Variants in CACNG2 observed in about 807,000 individuals in gnomAD.
The protein encoded by CACNG2 is calcium voltage-gated channel auxiliary subunit gamma 2, also known as voltage-dependent calcium channel gamma-2 subunit.
In CACNG2, 3 loss-of-function variants were observed where a neutral mutation model predicts 25.9. The ratio of observed to expected loss-of-function variants is 0.12; its 90% CI spans 0.05 to 0.30. CACNG2 has a LOEUF of 0.30. Among genes scored for constraint, CACNG2 ranks in the 10% least tolerant of loss-of-function variants. CACNG2 has a pLI of 1.00. For missense variants in CACNG2, 341 were observed against 432.5 expected (o/e 0.79, Z 1.88); for synonymous variants, 167 against 173.3 (o/e 0.96, Z 0.29).
At chr22:36,593,720 T>C (rs1480630233) in intron 1 of CACNG2, among the ~76,000 whole-genome samples, 1 of 151,708 alleles carries the variant, frequency 6.6e-6, no homozygotes, top group Non-Finnish European at 1.5e-5. Context: ...GGAGGAGTGA[T>C]GGGGTAAACT....
intron 2 of CACNG2, among the ~76,000 whole-genome samples, chr22:36,579,404 CAAAAAAAAAAAAAA>C (rs34224180): frequency 1.1e-4 from 5 of 47,172 alleles, no homozygotes; most frequent in Admixed American, 9.1e-4. Flanking sequence ...AACTCTGTCT[CAAAAAAAAAAAAAA>C]AAAAAAAAAA....
chr22:36,660,190 G>C (rs983441878), intron 1 of CACNG2, among the ~76,000 whole-genome samples: 1 of 152,262 alleles, frequency 6.6e-6, no homozygotes, highest in African/African-American at 2.4e-5. Flanking sequence ...GGATGCCTGA[G>C]TCATCTCCCG....
At chr22:36,600,940 A>T (rs986085130) in intron 1 of CACNG2, among the ~76,000 whole-genome samples, 2 of 152,210 alleles carry the variant, frequency 1.3e-5, no homozygotes, top group Non-Finnish European at 2.9e-5. Flanking sequence ...TGGTTGCTAT[A>T]GTGGAAAAAC....
chr22:36,600,735 T>A (rs1438144867), intron 1 of CACNG2, among the ~76,000 whole-genome samples: 1 of 152,040 alleles, frequency 6.6e-6, no homozygotes, highest in African/African-American at 2.4e-5. Context: ...TTGGTAGAGA[T>A]GGAGTTTTAC....
intron 1 of CACNG2, among the ~76,000 whole-genome samples, chr22:36,613,156 C>CTCTCTGTGTG (rs140413982): frequency 5.5e-5 from 8 of 146,228 alleles, no homozygotes; most frequent in East Asian, 4.1e-4. Flanking sequence ...TACAGGCTCT[C>CTCTCTGTGTG]TGTGTGTGTG....
chr22:36,623,375 T>C (rs1016859602), intron 1 of CACNG2, among the ~76,000 whole-genome samples: 4 of 152,086 alleles, frequency 2.6e-5, no homozygotes, highest in African/African-American at 9.7e-5. Context: ...GGAAGTGTGA[T>C]GAGGGAAGGT....
intron 1 of CACNG2, among the ~76,000 whole-genome samples, chr22:36,686,581 G>A (rs1169430396): frequency 6.6e-6 from 1 of 152,226 alleles, no homozygotes; most frequent in Non-Finnish European, 1.5e-5. Flanking sequence ...AGCAGAGGCT[G>A]TGACCCGGAG....
chr22:36,690,709 G>A (rs1937257773), intron 1 of CACNG2, among the ~76,000 whole-genome samples: 1 of 152,166 alleles, frequency 6.6e-6, no homozygotes, highest in Non-Finnish European at 1.5e-5. Flanking sequence ...TTGAACCCAG[G>A]CTGTCAGATG....
At chr22:36,613,232 A>G (rs1419323211) in intron 1 of CACNG2, among the ~76,000 whole-genome samples, 1 of 148,986 alleles carries the variant, frequency 6.7e-6, no homozygotes, top group Non-Finnish European at 1.5e-5. Flanking sequence ...TCTTTGGATC[A>G]CTCTTTGGGG....
At chr22:36,685,632 C>G (rs1937185859) in intron 1 of CACNG2, among the ~76,000 whole-genome samples, 1 of 152,190 alleles carries the variant, frequency 6.6e-6, no homozygotes, top group Admixed American at 6.5e-5. Flanking sequence ...AAGCCGAGGA[C>G]AGGCCTTTTG....
chr22:36,690,252 C>T (rs1937251812), intron 1 of CACNG2, among the ~76,000 whole-genome samples: 3 of 152,194 alleles, frequency 2.0e-5, no homozygotes. Flanking sequence ...GCAGTGGGGA[C>T]TCAGGGGGAA....
intron 1 of CACNG2, among the ~76,000 whole-genome samples, chr22:36,602,477 C>T (rs1935769379): frequency 6.6e-6 from 1 of 152,050 alleles, no homozygotes; most frequent in Non-Finnish European, 1.5e-5. Context: ...CCTTTGCCTC[C>T]TAGGTTCAAG....
At chr22:36,654,926 A>G (rs534359565) in intron 1 of CACNG2, among the ~76,000 whole-genome samples, 43 of 152,224 alleles carry the variant, frequency 2.8e-4, no homozygotes, top group Admixed American at 2.6e-3. Context: ...TTGCAGAGTC[A>G]GGAAAAGTGT....
intron 2 of CACNG2, among the ~76,000 whole-genome samples, chr22:36,577,110 T>C (rs575522326): frequency 5.3e-5 from 8 of 152,298 alleles, no homozygotes; most frequent in African/African-American, 1.9e-4. Flanking sequence ...CTCTGCCATA[T>C]GGAGATCACA....
intron 1 of CACNG2, among the ~76,000 whole-genome samples, chr22:36,618,467 C>T (rs1468262811): frequency 6.6e-6 from 1 of 152,244 alleles, no homozygotes; most frequent in Non-Finnish European, 1.5e-5. Context: ...TCCTGTTAGC[C>T]ACCAGGGCTT....
intron 1 of CACNG2, among the ~76,000 whole-genome samples, chr22:36,659,885 G>A (rs1936764137): frequency 6.6e-6 from 1 of 151,904 alleles, no homozygotes; most frequent in Non-Finnish European, 1.5e-5. Context: ...CTGGCTGCCT[G>A]AGTAAGCAGT....
At chr22:36,621,704 G>A (rs1435585871) in intron 1 of CACNG2, among the ~76,000 whole-genome samples, 1 of 152,126 alleles carries the variant, frequency 6.6e-6, no homozygotes, top group Non-Finnish European at 1.5e-5. Flanking sequence ...AGGCACTGTA[G>A]CACATACTCC....
At chr22:36,621,898 C>T (rs993763219) in intron 1 of CACNG2, among the ~76,000 whole-genome samples, 5 of 152,168 alleles carry the variant, frequency 3.3e-5, no homozygotes, top group Admixed American at 6.5e-5. Context: ...TGTAGGTTTG[C>T]GAGACAAACC....
intron 1 of CACNG2, among the ~76,000 whole-genome samples, chr22:36,609,215 C>T (rs1302391800): frequency 6.9e-6 from 1 of 144,936 alleles, no homozygotes. Context: ...ATCAGCACCC[C>T]CAGAGCGTGA....
Sources: gnomAD v4.1 joint callset for allele counts (sites outside exome capture counted in the v4.1 genomes callset) on GRCh38, gnomAD v4.1.1 for gene constraint, MANE v1.5 for transcripts, NCBI Gene and HGNC (gene_info 2026-07-23, HGNC 2026-07-21) for gene names.